Variants in AGAP3 observed in about 807,000 individuals in gnomAD.
AGAP3 encodes arf-GAP with GTPase, ANK repeat and PH domain-containing protein 3.
AGAP3 carries 24 observed loss-of-function variants against 96.9 expected under a neutral mutation model. That is an observed-to-expected ratio of 0.25 (90% CI 0.18 to 0.35). The LOEUF is 0.35. Among genes scored for constraint, AGAP3 ranks in the 10% least tolerant of loss-of-function variants. AGAP3 has a pLI of 1.00. For missense variants in AGAP3, 876 were observed against 1,254.2 expected (o/e 0.70, Z 4.55); for synonymous variants, 563 against 536.1 (o/e 1.05, Z -0.69).
At chr7:151,124,884 C>T (rs1019341253) in intron 9 of AGAP3, among the ~76,000 whole-genome samples, 11 of 152,156 alleles carry the variant, frequency 7.2e-5, no homozygotes, top group Admixed American at 1.3e-4. Context: ...TGCCGTGATC[C>T]GTATTGTTTC....
rs928930856 is a variant in AGAP3, at chr7:151,120,396, T to G, written c.1128+251T>G. The G allele has an allele frequency of 7.5e-6, 5 of 666,754 alleles. No homozygotes were observed. In the African/African-American group the frequency reaches 8.8e-5, roughly 12 times the overall value. 41.3% of individuals were successfully genotyped at this position (666,754 alleles called of 1,614,324 possible). The stretch of plus-strand genomic sequence containing the variant: ...TGTCCCCACAGTCCTCCCTGCCCTC[T>G]GCCGCACACACTCACCCTCCCCGCC... On this transcript the variant is annotated intron_variant, in intron 8 of 17. Transcript: ENST00000397238.
At chr7:151,095,702 A>C (rs942861111) in intron 1 of AGAP3, among the ~76,000 whole-genome samples, 811 of 9,430 alleles carry the variant, frequency 0.086, 7 homozygotes, top group African/African-American at 0.33. Context: ...ACAGTTGTAC[A>C]AAAAAAAAAA....
chr7:151,094,090 A>G (rs1317136730), intron 1 of AGAP3, among the ~76,000 whole-genome samples: 2 of 151,976 alleles, frequency 1.3e-5, no homozygotes, highest in African/African-American at 4.8e-5. Flanking sequence ...GATTTTCTGT[A>G]CCTCTGTTTC....
intron 10 of AGAP3, among the ~76,000 whole-genome samples, chr7:151,130,062 C>T (rs1800344680): frequency 6.6e-6 from 1 of 152,244 alleles, no homozygotes. Flanking sequence ...GCCCTCTGCT[C>T]ATGTCCAGCT....
rs1799417993 is a variant in AGAP3, at chr7:151,114,042, T to C, written c.332-2751T>C. 6.6e-6 allele frequency among the ~76,000 whole-genome samples: 1 copy of C among 152,228 alleles called. No homozygotes were observed. Among genetic ancestry groups the C allele is most frequent in the African/African-American group, 2.4e-5 (1 of 41,460 alleles). On this transcript the variant is annotated intron_variant, in intron 1 of 17. Transcript: ENST00000397238. The surrounding 1 kb of genome is among the most constrained non-coding windows in gnomAD (Gnocchi z 4.4). ...CCAGAACTGCAGCGGAGGTTATCTTTGACTTCTCTGCTGCCCTTAGGCAGG... is the reference window on the plus strand; with the variant it reads ...CCAGAACTGCAGCGGAGGTTATCTTCGACTTCTCTGCTGCCCTTAGGCAGG...
chr7:151,128,517 C>T (rs1024222036), intron 9 of AGAP3, 63 bp from the exon 10 acceptor site: 35 of 1,413,642 alleles, frequency 2.5e-5, no homozygotes, highest in South Asian at 7.0e-5. Flanking sequence ...GACATCGTGA[C>T]CTCCTCATGC....
intron 9 of AGAP3, among the ~76,000 whole-genome samples, chr7:151,126,088 C>T (rs1800152195): frequency 6.9e-6 from 1 of 144,894 alleles, no homozygotes; most frequent in Non-Finnish European, 1.5e-5. Context: ...GCGGCCCGGT[C>T]GTTCCGCCCG....
intron 11 of AGAP3, chr7:151,137,891 C>T (rs1425840021): frequency 7.6e-5 from 40 of 526,246 alleles, no homozygotes; most frequent in Non-Finnish European, 6.7e-5. Context: ...CAGAGACCCC[C>T]CGCCCCGCTC....
At chr7:151,138,592 C>CCGG (rs2150530419) in intron 12 of AGAP3, among the ~76,000 whole-genome samples, 1 of 152,348 alleles carries the variant, frequency 6.6e-6, no homozygotes, top group East Asian at 1.9e-4. Flanking sequence ...CTGCCTGGGG[C>CCGG]CGGCGCTAGA....
intron 1 of AGAP3, chr7:151,115,448 C>T (rs1799520673): frequency 9.8e-7 from 1 of 1,015,984 alleles, no homozygotes; most frequent in Non-Finnish European, 1.2e-6. Context: ...GCTCCCTAGG[C>T]GCCTTCCCCA....
At chr7:151,116,584 T>G in intron 1 of AGAP3, 1 of 603,514 alleles carries the variant, frequency 1.7e-6, no homozygotes, top group African/African-American at 1.8e-5. Flanking sequence ...AGAGTCCTGT[T>G]CTGAAGACCA....
chr7:151,109,815 G>C (rs944635580), intron 1 of AGAP3, among the ~76,000 whole-genome samples: 40 of 152,214 alleles, frequency 2.6e-4, no homozygotes, highest in African/African-American at 9.6e-4. Context: ...TTCTGATGTG[G>C]AGAGGGCTGG....
Position 151,142,830 on chromosome 7 carries a change from TTC to T in AGAP3, c.2273+198_2273+199del, listed in dbSNP as rs1369602899. On this transcript the variant is annotated intron_variant, in intron 16 of 17. Transcript: ENST00000397238. This position sits in a 1 kb window ranked among gnomAD's most constrained non-coding sequence, Gnocchi z 7.5. ...CAGGCGCCTCACAACAACGGGCCCT[TTC>T]TGAGCGTTATCAGCAGGTCAGGGGC... 1.3e-5 allele frequency among the ~76,000 whole-genome samples: 2 copies of T among 152,158 alleles called. No individual in the cohort carries two copies. The highest frequency in any genetic ancestry group is 2.9e-5 in the Non-Finnish European group (2 of 68,008).
At chr7:151,092,363 T>C (rs758426572) in intron 1 of AGAP3, among the ~76,000 whole-genome samples, 1 of 152,112 alleles carries the variant, frequency 6.6e-6, no homozygotes, top group Non-Finnish European at 1.5e-5. Context: ...CATCCACCTG[T>C]TGTGTTAGTT....
At chr7:151,122,522 T>G (rs1034263818) in intron 8 of AGAP3, among the ~76,000 whole-genome samples, 106 of 142,102 alleles carry the variant, frequency 7.5e-4, no homozygotes, top group African/African-American at 2.1e-3. Flanking sequence ...CGCCGCCGCC[T>G]CCTCCTCCTC....
At chr7:151,119,546 T>A (rs953821076) in intron 7 of AGAP3, among the ~76,000 whole-genome samples, 11 of 152,220 alleles carry the variant, frequency 7.2e-5, no homozygotes, top group Admixed American at 7.2e-4. Flanking sequence ...CTGGGCCACC[T>A]CCGGCTCCCG....
In AGAP3 at chr7:151,114,921, A is replaced by G. The variant is rs1799475788; in HGVS notation, c.332-1872A>G. 3.0e-6 allele frequency: 3 copies of G among 988,208 alleles called. No homozygotes were observed. The highest frequency in any genetic ancestry group is 3.6e-6 in the Non-Finnish European group (3 of 834,432). 61.2% of individuals were successfully genotyped at this position (988,208 alleles called of 1,614,324 possible). A position where few individuals can be genotyped will look rare whatever the true frequency, so the allele number is the denominator to read the frequency against. On this transcript the variant is annotated intron_variant, in intron 1 of 17. Transcript: ENST00000397238. The surrounding 1 kb of genome is among the most constrained non-coding windows in gnomAD (Gnocchi z 4.4). ...CCTGCAGGCCGCCCTCTGCGCCGCC[A>G]GTGAGCAGCCGGCGCGGCCGCGGAG...
In AGAP3 at chr7:151,118,476, G is replaced by A; in HGVS notation, c.842-29G>A. The A allele has an allele frequency of 6.2e-7, 1 of 1,612,634 alleles. No homozygotes were observed. The highest frequency in any genetic ancestry group is 8.5e-7 in the Non-Finnish European group (1 of 1,178,804). On this transcript the variant is annotated intron_variant, in intron 6 of 17. Coordinates refer to ENST00000397238, the MANE Select transcript of AGAP3 (RefSeq NM_031946.7). This position sits in a 1 kb window ranked among gnomAD's most constrained non-coding sequence, Gnocchi z 6.1. ...CCAGGCTTTTCCCTTCTCTCCAGTGGGTATAATTGACTCTGCTGTCCCCTG... is the reference window on the plus strand; with the variant it reads ...CCAGGCTTTTCCCTTCTCTCCAGTGAGTATAATTGACTCTGCTGTCCCCTG...
In AGAP3 at chr7:151,114,881, C is replaced by T; in HGVS notation, c.332-1912C>T. Reference sequence around the variant, plus strand: ...TGGACCTGCACGGCGCCTCGGCCGGCCGCGCTGCCGCCGCCCTGCAGGCCG... The same window carrying T: ...TGGACCTGCACGGCGCCTCGGCCGGTCGCGCTGCCGCCGCCCTGCAGGCCG... On this transcript the variant is annotated intron_variant, in intron 1 of 17. Coordinates refer to ENST00000397238, the MANE Select transcript of AGAP3 (RefSeq NM_031946.7). This position sits in a 1 kb window ranked among gnomAD's most constrained non-coding sequence, Gnocchi z 4.4. 2 of 1,007,804 alleles carry T rather than the reference C, an allele frequency of 2.0e-6. No homozygotes were observed. Among genetic ancestry groups the T allele is most frequent in the Admixed American group, 6.0e-5 (1 of 16,590 alleles). 62.4% of individuals were successfully genotyped at this position (1,007,804 alleles called of 1,614,324 possible). A position where few individuals can be genotyped will look rare whatever the true frequency, so the allele number is the denominator to read the frequency against.
Sources: gnomAD v4.1 joint callset for allele counts (sites outside exome capture counted in the v4.1 genomes callset) on GRCh38, gnomAD v4.1.1 for gene constraint, Gnocchi (gnomAD v3.1) non-coding constraint, MANE v1.5 for transcripts, NCBI Gene and HGNC (gene_info 2026-07-23, HGNC 2026-07-21) for gene names.